The following ITCH variants were observed in gnomAD, a reference collection of about 807,000 sequenced individuals.
ITCH encodes the protein itchy E3 ubiquitin protein ligase, also known as E3 ubiquitin-protein ligase Itchy homolog.
Under a neutral mutation model 126.8 loss-of-function variants are expected in ITCH, and 28 were observed. The observed-to-expected ratio is 0.22, with a 90% CI of 0.16 to 0.30. The LOEUF (loss-of-function observed/expected upper bound fraction) is 0.30. Among genes scored for constraint, ITCH ranks in the 10% least tolerant of loss-of-function variants. The pLI is 1.00. For synonymous variants in ITCH, 342 were observed against 340.0 expected (o/e 1.01, Z -0.06); for missense variants, 631 against 1,032.4 (o/e 0.61, Z 5.33).
intron 2 of ITCH, among the ~76,000 whole-genome samples, chr20:34,371,976 G>A (rs1341785275): frequency 1.3e-5 from 2 of 151,978 alleles, no homozygotes; most frequent in South Asian, 2.1e-4. Flanking sequence ...TGGCTTTGTT[G>A]ACATCACAAT....
chr20:34,497,131 G>A (rs1029211522), intron 23 of ITCH, among the ~76,000 whole-genome samples: 3 of 151,784 alleles, frequency 2.0e-5, no homozygotes, highest in African/African-American at 4.8e-5. Context: ...TGAGTAGCTG[G>A]GATTGCAGGC....
intron 16 of ITCH, 106 bp from the exon 17 acceptor site, chr20:34,477,666 A>G (rs1988362034): frequency 2.1e-6 from 2 of 943,966 alleles, no homozygotes; most frequent in Admixed American, 1.9e-5. Context: ...TTTCTGTGTC[A>G]TGGGAGATTT....
chr20:34,417,516 C>T (rs947287228), intron 6 of ITCH, among the ~76,000 whole-genome samples: 4 of 151,704 alleles, frequency 2.6e-5, no homozygotes, highest in Non-Finnish European at 4.4e-5. Flanking sequence ...TCTCCTTCCT[C>T]AGCCTCCCGA....
rs1214770476 is a variant in ITCH at position 34,417,127 on chromosome 20, G to A, written c.475+3248G>A. On this transcript the variant is annotated intron_variant, in intron 6 of 24. Transcript: ENST00000374864. ...TTTTTTTTTTTTTAGATGGGGTTTC[G>A]CTCTGTTTGCCCAGGCTGGAGTGCA... The A allele has an allele frequency of 4.2e-5, 28 of 671,840 alleles. No homozygotes were observed. In the East Asian group the frequency reaches 4.5e-4, roughly 11 times the overall value. The allele number at this position is 671,840 out of a possible 1,614,324, so 41.6% of individuals were successfully genotyped here. A position where few individuals can be genotyped will look rare whatever the true frequency, so the allele number is the denominator to read the frequency against.
rs1202029738 is a variant in ITCH at position 34,508,031 on chromosome 20, T to G, written c.*237T>G. On this transcript the variant is annotated 3_prime_UTR_variant, in exon 25 of 25. Transcript: ENST00000374864. Reference sequence around the variant, plus strand: ...TTAACATGAGATTTTAACACAACAATGAAATTTGCCTTGTCTTATTCCACT... The same window carrying G: ...TTAACATGAGATTTTAACACAACAAGGAAATTTGCCTTGTCTTATTCCACT... 6.3e-6 allele frequency: 3 copies of G among 476,996 alleles called. No individual in the cohort carries two copies. Among genetic ancestry groups the G allele is most frequent in the Non-Finnish European group, 1.2e-5 (3 of 259,376 alleles). 29.5% of individuals were successfully genotyped at this position (476,996 alleles called of 1,614,324 possible).
intron 2 of ITCH, among the ~76,000 whole-genome samples, chr20:34,380,282 A>G (rs983753732): frequency 5.3e-5 from 8 of 152,098 alleles, no homozygotes; most frequent in African/African-American, 1.9e-4. Context: ...GTAATATTCC[A>G]TTTTATATAT....
chr20:34,364,189 T>C (rs1208518508), intron 1 of ITCH, among the ~76,000 whole-genome samples: 1 of 152,178 alleles, frequency 6.6e-6, no homozygotes, highest in Non-Finnish European at 1.5e-5. Flanking sequence ...GTTGGACATG[T>C]AACCAGGTGA....
chr20:34,439,122 AG>A (rs2146282118), intron 8 of ITCH, among the ~76,000 whole-genome samples: 1 of 152,342 alleles, frequency 6.6e-6, no homozygotes, highest in African/African-American at 2.4e-5. Context: ...TCTGATAGCC[AG>A]AACAAATCTT....
chr20:34,452,154 T>C (rs2146331951), intron 12 of ITCH, among the ~76,000 whole-genome samples: 1 of 152,072 alleles, frequency 6.6e-6, no homozygotes, highest in South Asian at 2.1e-4. Flanking sequence ...TTTTACTCCT[T>C]CTCTAGGGCA....
chr20:34,406,533 TTC>T (rs1455306188), intron 3 of ITCH, among the ~76,000 whole-genome samples: 4 of 151,348 alleles, frequency 2.6e-5, no homozygotes, highest in African/African-American at 9.7e-5. Flanking sequence ...AAGCTGCTGC[TTC>T]TTTTTTTTTT....
At chr20:34,476,369 C>A (rs984077722) in intron 16 of ITCH, 1 of 1,332,048 alleles carries the variant, frequency 7.5e-7, no homozygotes, top group Non-Finnish European at 9.8e-7. Flanking sequence ...CTCAGCAGGC[C>A]GCTGGCTCCA....
chr20:34,363,630 G>C (rs1270668880), intron 1 of ITCH, among the ~76,000 whole-genome samples: 1 of 152,168 alleles, frequency 6.6e-6, no homozygotes, highest in Non-Finnish European at 1.5e-5. Context: ...AGTTGTGAAA[G>C]GGCTGGGCCA....
chr20:34,396,035 ATTT>A (rs1240470718), intron 3 of ITCH, among the ~76,000 whole-genome samples: 7 of 136,732 alleles, frequency 5.1e-5, no homozygotes, highest in Admixed American at 2.2e-4. Flanking sequence ...TATTATTATT[ATTT>A]TTTTTTTTTT....
chr20:34,366,712 AG>A (rs934261169), intron 1 of ITCH, among the ~76,000 whole-genome samples: 1 of 152,054 alleles, frequency 6.6e-6, no homozygotes, highest in African/African-American at 2.4e-5. Context: ...ACCAAAAGGA[AG>A]GAAAAAAAAA....
intron 23 of ITCH, among the ~76,000 whole-genome samples, chr20:34,497,221 T>A (rs1166986278): frequency 6.6e-6 from 1 of 152,164 alleles, no homozygotes; most frequent in East Asian, 1.9e-4. Flanking sequence ...GGTCTTGAAC[T>A]CCTAACCTTG....
intron 24 of ITCH, among the ~76,000 whole-genome samples, chr20:34,506,708 C>T (rs569107117): frequency 6.6e-6 from 1 of 152,308 alleles, no homozygotes; most frequent in East Asian, 1.9e-4. Flanking sequence ...AGGCTGGAGA[C>T]TGCTGCTTTA....
intron 6 of ITCH, among the ~76,000 whole-genome samples, chr20:34,423,109 C>T (rs1981010400): frequency 6.6e-6 from 1 of 152,004 alleles, no homozygotes; most frequent in Non-Finnish European, 1.5e-5. Flanking sequence ...TTTTTTATCT[C>T]TAAAAATTCG....
chr20:34,490,951 G>GT (rs1989465514), intron 22 of ITCH, among the ~76,000 whole-genome samples: 2 of 152,132 alleles, frequency 1.3e-5, no homozygotes, highest in Admixed American at 1.3e-4. Context: ...TGGACTTGGA[G>GT]TTTTATCCTT....
intron 2 of ITCH, among the ~76,000 whole-genome samples, chr20:34,378,151 A>G (rs1286806295): frequency 6.6e-6 from 1 of 151,948 alleles, no homozygotes; most frequent in Non-Finnish European, 1.5e-5. Context: ...TAGTCTGAGT[A>G]TTAAGAATAT....
Sources: gnomAD v4.1 joint callset for allele counts (sites outside exome capture counted in the v4.1 genomes callset) on GRCh38, gnomAD v4.1.1 for gene constraint, MANE v1.5 for transcripts, NCBI Gene and HGNC (gene_info 2026-07-23, HGNC 2026-07-21) for gene names.